ACTR8: variants seen among roughly 807,000 people sequenced by gnomAD.
ACTR8 encodes actin-related protein 8.
Under a neutral mutation model 84.3 loss-of-function variants are expected in ACTR8, and 70 were observed. That is an observed-to-expected ratio of 0.83 (90% CI 0.68 to 1.01). The LOEUF (loss-of-function observed/expected upper bound fraction) is 1.01, where lower values mean the gene tolerates loss of function less well. Ranked by LOEUF, ACTR8 falls within the 50% of genes least tolerant of loss-of-function variation. ACTR8 has a pLI of 0.00. For missense variants in ACTR8, 672 were observed against 775.4 expected (o/e 0.87, Z 1.58); for synonymous variants, 268 against 275.2 (o/e 0.97, Z 0.26).
chr3:53,870,160 G>A lies in ACTR8; in HGVS notation c.1568-15C>T, dbSNP rs1318320964. ...GTCGTCAGATGCTGAAAAGACAGTTGACATCCTCCATGCTTTTTTCTCCAC... is the reference window on the plus strand; with the variant it reads ...GTCGTCAGATGCTGAAAAGACAGTTAACATCCTCCATGCTTTTTTCTCCAC... On this transcript the variant is annotated splice_polypyrimidine_tract_variant and intron_variant, in intron 11 of 12. Coordinates refer to ENST00000335754, the MANE Select transcript of ACTR8 (RefSeq NM_022899.5). This position sits in a 1 kb window ranked among gnomAD's most constrained non-coding sequence, Gnocchi z 4.1. 1.2e-6 allele frequency: 2 copies of A among 1,607,830 alleles called. No individual in the cohort carries two copies. Among genetic ancestry groups the A allele is most frequent in the Non-Finnish European group, 1.7e-6 (2 of 1,175,042 alleles).
rs1376702331 is a variant in ACTR8, at chr3:53,871,456, G to GAAAC, written c.1342_1343insGTTT (p.Pro448ArgfsTer6). ...ACGAAGATCCCCTTCAAATCCAATA[G>GAAAC]GTTTGGATGCAGACTTTCGGTCAGC... On this transcript the variant is annotated frameshift_variant, in exon 11 of 13. Coordinates refer to ENST00000335754, the MANE Select transcript of ACTR8 (RefSeq NM_022899.5). LOFTEE classifies it high-confidence loss of function. 5 of 1,614,050 alleles carry GAAAC rather than the reference G, an allele frequency of 3.1e-6. No individual in the cohort carries two copies. Among genetic ancestry groups the GAAAC allele is most frequent in the Non-Finnish European group, 4.2e-6 (5 of 1,180,032 alleles).
rs1487717987 is a variant in ACTR8, at chr3:53,869,994, G to A, written c.1719C>T (p.Ile573=). The change falls in exon 12 of 13, where the codon ATC becomes ATT. Residue 573 remains isoleucine (I), a synonymous_variant. Coordinates refer to ENST00000335754, the MANE Select transcript of ACTR8 (RefSeq NM_022899.5). ...FRRIIENVDV[I]TRPKDMDPRL... ...TGAAACAACCTACCTTAGGCCTTGTGATCACATCCACATTTTCAATAATTC... is the reference window on the plus strand; with the variant it reads ...TGAAACAACCTACCTTAGGCCTTGTAATCACATCCACATTTTCAATAATTC... 3.7e-6 allele frequency: 6 copies of A among 1,614,004 alleles called. No individual in the cohort carries two copies. The highest frequency in any genetic ancestry group is 2.7e-5 in the African/African-American group (2 of 74,900).
intron 8 of ACTR8, among the ~76,000 whole-genome samples, chr3:53,873,373 C>A (rs920283302): frequency 6.6e-6 from 1 of 150,726 alleles, no homozygotes; most frequent in African/African-American, 2.5e-5. Context: ...ATTAGTACAA[C>A]AATGACCCAA....
At chr3:53,876,956 T>G (rs1185738187) in intron 5 of ACTR8, among the ~76,000 whole-genome samples, 1 of 151,262 alleles carries the variant, frequency 6.6e-6, no homozygotes, top group African/African-American at 2.4e-5. Flanking sequence ...GATGTGTCAG[T>G]AAGGTCCAAA....
chr3:53,865,220 C>T (rs770694682), downstream of ACTR8: 1 of 1,613,896 alleles, frequency 6.2e-7, no homozygotes, highest in Non-Finnish European at 8.5e-7. Flanking sequence ...GATGCCACTG[C>T]TTTCTGTGCA....
At chr3:53,862,343 A>G (rs1055342215), downstream of ACTR8, among the ~76,000 whole-genome samples, 117 of 152,342 alleles carry the variant, frequency 7.7e-4, 1 homozygote, top group Non-Finnish European at 4.7e-4. Context: ...CGAGAACACC[A>G]ACAGAGAGAA....
chr3:53,865,288 G>C (rs368854367), downstream of ACTR8: 2 of 1,606,152 alleles, frequency 1.2e-6, no homozygotes, highest in Admixed American at 1.7e-5. Context: ...AGCCTGCCAC[G>C]ATGGCTGCTG....
chr3:53,877,166 G>T lies in ACTR8; in HGVS notation c.684+48C>A. The T allele has an allele frequency of 2.0e-6, 3 of 1,516,446 alleles. No individual in the cohort carries two copies. The South Asian group carries it at 3.9e-5, about 20-fold the overall frequency. 93.9% of individuals were successfully genotyped at this position (1,516,446 alleles called of 1,614,324 possible). Reference sequence around the variant, plus strand: ...CAACTCGGTAACGTGTACTTTCATTGACCAAGAATCTTAAAAACAATCCAA... The same window carrying T: ...CAACTCGGTAACGTGTACTTTCATTTACCAAGAATCTTAAAAACAATCCAA... On this transcript the variant is annotated intron_variant, in intron 5 of 12. Coordinates refer to ENST00000335754, the MANE Select transcript of ACTR8 (RefSeq NM_022899.5).
At chr3:53,866,380 AAAAC>A (rs1460292845), downstream of ACTR8, among the ~76,000 whole-genome samples, 16 of 152,352 alleles carry the variant, frequency 1.1e-4, no homozygotes, top group East Asian at 1.9e-4. Flanking sequence ...GACCCTGTCT[AAAAC>A]AAACAAACGA....
the ACTR8 span, chr3:53,860,175 T>G: frequency 6.2e-7 from 1 of 1,614,168 alleles, no homozygotes; most frequent in Middle Eastern, 1.7e-4. Context: ...CTGCTGTCTC[T>G]GCTGGTGGCC....
At chr3:53,864,867 A>G, downstream of ACTR8, 1 of 1,614,256 alleles carries the variant, frequency 6.2e-7, no homozygotes, top group South Asian at 1.1e-5. Context: ...AATTTCTTCA[A>G]AACCATTGCA....
At chr3:53,872,321 C>T (rs1559791998) in intron 10 of ACTR8, 63 bp downstream of exon 10, 2 of 1,486,854 alleles carry the variant, frequency 1.3e-6, no homozygotes, top group Non-Finnish European at 1.8e-6. Flanking sequence ...GGCCTATTAA[C>T]TCTGGACAAA....
intron 7 of ACTR8, 91 bp from the exon 8 acceptor site, chr3:53,874,455 T>A: frequency 7.3e-7 from 1 of 1,373,822 alleles, no homozygotes; most frequent in Non-Finnish European, 9.9e-7. Context: ...CTGGGCATGG[T>A]GGTTCCTGCC....
At chr3:53,875,263 T>C (rs1407909592) in intron 7 of ACTR8, among the ~76,000 whole-genome samples, 3 of 152,228 alleles carry the variant, frequency 2.0e-5, no homozygotes, top group Non-Finnish European at 4.4e-5. Flanking sequence ...CCCTTTCTCA[T>C]GGACGATTTA....
chr3:53,882,139 C>G lies in ACTR8; in HGVS notation c.-38G>C. On this transcript the variant is annotated 5_prime_UTR_variant, in exon 1 of 13. Transcript: ENST00000335754. ...CACCCACCAACCTCTCGCCTCAGCG[C>G]TGCAGCCACGACTGCCGGGATGGAA... 1.9e-6 allele frequency: 3 copies of G among 1,548,022 alleles called. No homozygotes were observed. Among genetic ancestry groups the G allele is most frequent in the Non-Finnish European group, 2.6e-6 (3 of 1,144,460 alleles).
At position 53,878,368 on chromosome 3, in the gene ACTR8, A is replaced by G; in HGVS notation, c.394T>C (p.Ser132Pro). 1 of 1,609,262 alleles carries G rather than the reference A, an allele frequency of 6.2e-7. No homozygotes were observed. Among genetic ancestry groups the G allele is most frequent in the Non-Finnish European group, 8.5e-7 (1 of 1,176,134 alleles). Residue 132 changes from serine to proline, a missense_variant, in exon 3 of 13, where the codon TCC becomes CCC. Ser to Pro is a moderately conservative substitution (Grantham distance 74, BLOSUM62 -1). Coordinates refer to ENST00000335754, the MANE Select transcript of ACTR8 (RefSeq NM_022899.5). ...AGAGTTAATCGAACCTGTTCAGGGG[A>G]CACAGGAATGCGTCTTGTACCATTG... ...MSNGTRRIPVSPEQARSYNKQ... is the reference protein window; with the variant it reads ...MSNGTRRIPVPPEQARSYNKQ...
chr3:53,880,699 C>G (rs1172484345), intron 1 of ACTR8, among the ~76,000 whole-genome samples: 2 of 152,218 alleles, frequency 1.3e-5, no homozygotes, highest in Non-Finnish European at 2.9e-5. Context: ...CCTTCCTTAA[C>G]TCCAGACATC....
intron 2 of ACTR8, 122 bp downstream of exon 2, chr3:53,879,814 CATT>C: frequency 4.0e-6 from 4 of 992,132 alleles, no homozygotes; most frequent in Non-Finnish European, 5.8e-6. Context: ...AAATTAGTGA[CATT>C]ATTAATGTTT....
intron 1 of ACTR8, among the ~76,000 whole-genome samples, chr3:53,881,114 G>C (rs1309758569): frequency 6.6e-6 from 1 of 152,208 alleles, no homozygotes; most frequent in Non-Finnish European, 1.5e-5. Context: ...AACAGTAATG[G>C]CCACTCTGGG....
Sources: allele counts gnomAD v4.1 joint callset (sites outside exome capture counted in the v4.1 genomes callset), GRCh38; gene constraint gnomAD v4.1.1; non-coding constraint Gnocchi (gnomAD v3.1); transcripts MANE v1.5; gene names NCBI Gene and HGNC (gene_info 2026-07-23, HGNC 2026-07-21).